Variants in SORBS3 observed in about 807,000 individuals in gnomAD.
SORBS3 encodes sorbin and SH3 domain containing 3, also known as vinexin.
In SORBS3, 69 loss-of-function variants were observed where a neutral mutation model predicts 98.0. The ratio of observed to expected loss-of-function variants is 0.70; its 90% CI spans 0.58 to 0.86. The LOEUF is 0.86. Ranked by LOEUF, SORBS3 falls within the 40% of genes least tolerant of loss-of-function variation. The probability of loss-of-function intolerance (pLI) is 0.00; values close to 1 mark genes in which losing one functional copy is unlikely to be tolerated. For synonymous variants in SORBS3, 394 were observed against 355.4 expected, an observed-to-expected ratio of 1.11 and a Z score of -1.22; for missense variants, 954 against 908.5, an observed-to-expected ratio of 1.05 and a Z score of -0.64.
At position 22,574,823 on chromosome 8, in the gene SORBS3, C is replaced by A; in HGVS notation, c.*95C>A. On this transcript the variant is annotated 3_prime_UTR_variant, in exon 21 of 21. Transcript: ENST00000240123. Reference sequence around the variant, plus strand: ...GACCCCCGCCCACATCCTCCTTCCCCAGGACCTGAGCTCCCAGCATCTGCA... The same window carrying A: ...GACCCCCGCCCACATCCTCCTTCCCAAGGACCTGAGCTCCCAGCATCTGCA... 1 of 1,245,104 alleles carries A rather than the reference C, an allele frequency of 8.0e-7. No homozygotes were observed. The highest frequency in any genetic ancestry group is 1.2e-6 in the Non-Finnish European group (1 of 846,772). The allele number at this position is 1,245,104 out of a possible 1,614,324, so 77.1% of individuals were successfully genotyped here. A position where few individuals can be genotyped will look rare whatever the true frequency, so the allele number is the denominator to read the frequency against.
chr8:22,560,056 C>CAAA (rs968530613), intron 5 of SORBS3, among the ~76,000 whole-genome samples: 2 of 96,722 alleles, frequency 2.1e-5, no homozygotes, highest in Non-Finnish European at 2.1e-5. Flanking sequence ...GACTCAGTCT[C>CAAA]AAAAAAAAAA....
chr8:22,550,713 CA>C (rs773747567), upstream of SORBS3, among the ~76,000 whole-genome samples: 21 of 152,152 alleles, frequency 1.4e-4, no homozygotes, highest in Non-Finnish European at 2.5e-4. Flanking sequence ...GAAAACACTC[CA>C]AAACTCCTCG....
chr8:22,547,850 T>A (rs1840031814), upstream of SORBS3, among the ~76,000 whole-genome samples: 1 of 152,194 alleles, frequency 6.6e-6, no homozygotes, highest in Admixed American at 6.5e-5. Flanking sequence ...AGAACAGCCG[T>A]GGATGTGATG....
chr8:22,552,759 C>T (rs1419946548), intron 1 of SORBS3, among the ~76,000 whole-genome samples: 4 of 152,230 alleles, frequency 2.6e-5, no homozygotes, highest in Non-Finnish European at 4.4e-5. Flanking sequence ...GGGAGGGGTG[C>T]TGCGAGGAGC....
At position 22,551,961 on chromosome 8, in the gene SORBS3, G is replaced by A; in HGVS notation, c.-117G>A. ...CGAGCGCCCGCGCCAGGCAGCAGCCGGGCAGGGATGCTCCTGCGCTCCCGG... is the reference window on the plus strand; with the variant it reads ...CGAGCGCCCGCGCCAGGCAGCAGCCAGGCAGGGATGCTCCTGCGCTCCCGG... On this transcript the variant is annotated 5_prime_UTR_variant, in exon 1 of 21. Transcript: ENST00000240123. The surrounding 1 kb of genome is among the most constrained non-coding windows in gnomAD (Gnocchi z 5.8). 9.1e-6 allele frequency: 9 copies of A among 985,478 alleles called. No homozygotes were observed. Among genetic ancestry groups the A allele is most frequent in the Non-Finnish European group, 1.1e-5 (9 of 830,042 alleles). 61.0% of individuals were successfully genotyped at this position (985,478 alleles called of 1,614,324 possible). A position where few individuals can be genotyped will look rare whatever the true frequency, so the allele number is the denominator to read the frequency against.
chr8:22,566,338 C>G lies in SORBS3; in HGVS notation c.951-7C>G, dbSNP rs779297377. ...GGCTGGAGGCTCAGTCTCTGTGCCC[C>G]GTGCAGCCCGGCCTCAGCCTGGAGC... is the stretch of plus-strand genomic sequence containing the variant. On this transcript the variant is annotated splice_region_variant and splice_polypyrimidine_tract_variant and intron_variant, in intron 12 of 20. Coordinates refer to ENST00000240123, the MANE Select transcript of SORBS3 (RefSeq NM_005775.5). The G allele has an allele frequency of 3.2e-5, 52 of 1,612,310 alleles. No homozygotes were observed. The highest frequency in any genetic ancestry group is 4.4e-5 in the Non-Finnish European group (52 of 1,179,304).
At chr8:22,547,269 C>T (rs1840025501), upstream of SORBS3, among the ~76,000 whole-genome samples, 1 of 151,202 alleles carries the variant, frequency 6.6e-6, no homozygotes, top group Admixed American at 6.6e-5. Flanking sequence ...TAACCTGTTG[C>T]TCCATCTAGA....
intron 12 of SORBS3, 72 bp downstream of exon 12, chr8:22,565,944 C>T: frequency 9.7e-7 from 1 of 1,035,312 alleles, no homozygotes; most frequent in Non-Finnish European, 1.2e-6. Context: ...CGCGGCCGGG[C>T]GGGGCGGACG....
chr8:22,570,325 G>C (rs1330493894), intron 17 of SORBS3, among the ~76,000 whole-genome samples: 1 of 152,220 alleles, frequency 6.6e-6, no homozygotes, highest in African/African-American at 2.4e-5. Flanking sequence ...CAGCCAGCCT[G>C]TGGCCTTCAG....
Position 22,575,079 on chromosome 8 carries a change from C to T in SORBS3, c.*351C>T. ...GTTTCCTCTAACAGGGACCAGCTCT[C>T]CGCTTTGCCCCCACGGGGTTCCTCT... On this transcript the variant is annotated 3_prime_UTR_variant, in exon 21 of 21. Transcript: ENST00000240123. 1 of 435,758 alleles carries T rather than the reference C, an allele frequency of 2.3e-6. No individual in the cohort carries two copies. The highest frequency in any genetic ancestry group is 4.5e-6 in the Non-Finnish European group (1 of 222,974). The allele number at this position is 435,758 out of a possible 1,614,324, so 27.0% of individuals were successfully genotyped here.
At position 22,569,191 on chromosome 8, in the gene SORBS3, C is replaced by T; in HGVS notation, c.1349C>T (p.Thr450Ile). The change falls in exon 17 of 21, where the codon ACC becomes ATC. Residue 450 changes from threonine to isoleucine, a missense_variant. Thr to Ile is a moderately conservative substitution (Grantham distance 89, BLOSUM62 -1). Transcript: ENST00000240123. The part of the protein sequence containing the change: ...DEIPKPIKPP[T>I]YQVLEYGEAV... ...ATCCCTAAGCCCATCAAGCCCCCGA[C>T]CTACCAGGTGCTGGAGTATGGAGAG... 6.2e-7 allele frequency: 1 copy of T among 1,611,506 alleles called. No homozygotes were observed. The highest frequency in any genetic ancestry group is 8.5e-7 in the Non-Finnish European group (1 of 1,178,798).
intron 1 of SORBS3, among the ~76,000 whole-genome samples, chr8:22,546,454 G>T (rs751315550): frequency 1.3e-5 from 2 of 152,016 alleles, no homozygotes; most frequent in African/African-American, 4.8e-5. Context: ...TCTCTCTTTC[G>T]TCTCTCCAGC....
intron 7 of SORBS3, among the ~76,000 whole-genome samples, chr8:22,563,011 C>T (rs936574226): frequency 6.6e-6 from 1 of 151,584 alleles, no homozygotes; most frequent in South Asian, 2.1e-4. Context: ...CCCATCTACT[C>T]GGGAGGCTGA....
chr8:22,573,104 G>A (rs1423252106), intron 20 of SORBS3, among the ~76,000 whole-genome samples: 10 of 151,186 alleles, frequency 6.6e-5, no homozygotes, highest in Non-Finnish European at 1.5e-4. Context: ...GAGGAGTTGG[G>A]GGGCTGCTTG....
chr8:22,561,424 C>A, intron 6 of SORBS3, 51 bp downstream of exon 6: 1 of 1,606,562 alleles, frequency 6.2e-7, no homozygotes, highest in Non-Finnish European at 8.5e-7. Flanking sequence ...CCTGCGTCCG[C>A]CCCTCCCTGG....
At chr8:22,563,456 A>G (rs1840337637) in intron 7 of SORBS3, among the ~76,000 whole-genome samples, 1 of 152,176 alleles carries the variant, frequency 6.6e-6, no homozygotes, top group South Asian at 2.1e-4. Context: ...AGGGAGCAGA[A>G]ATAACTTGGC....
At chr8:22,556,293 C>T (rs927572902) in intron 3 of SORBS3, among the ~76,000 whole-genome samples, 1 of 152,180 alleles carries the variant, frequency 6.6e-6, no homozygotes, top group East Asian at 1.9e-4. Context: ...GAAGTGGAAA[C>T]TGAGACACTG....
chr8:22,573,099 G>T (rs2117307268), intron 20 of SORBS3, among the ~76,000 whole-genome samples: 1 of 151,880 alleles, frequency 6.6e-6, no homozygotes, highest in South Asian at 2.1e-4. Flanking sequence ...AGCCTGAGGA[G>T]TTGGGGGGCT....
rs368810763 is a variant in SORBS3 at position 22,561,351 on chromosome 8, G to T, written c.495G>T (p.Trp165Cys). ...HRKMPDLQLD[W>C]TFEEPPRDPR... ...CTCCTGCAGACTTGCAGCTGGACTG[G>T]ACCTTCGAGGAGCCACCCAGAGGTG... The change falls in exon 6 of 21, where the codon TGG becomes TGT. Residue 165 changes from tryptophan to cysteine, a missense_variant. Physicochemically the swap from Trp to Cys is radical, Grantham distance 215. Transcript: ENST00000240123. 5.6e-6 allele frequency: 9 copies of T among 1,607,906 alleles called. No individual in the cohort carries two copies. The highest frequency in any genetic ancestry group is 1.8e-4 in the Middle Eastern group (1 of 5,608).
Sources: allele counts gnomAD v4.1 joint callset (sites outside exome capture counted in the v4.1 genomes callset), GRCh38; gene constraint gnomAD v4.1.1; non-coding constraint Gnocchi (gnomAD v3.1); transcripts MANE v1.5; gene names NCBI Gene and HGNC (gene_info 2026-07-23, HGNC 2026-07-21).